PACRG: variants seen among roughly 807,000 people sequenced by gnomAD.
The protein encoded by PACRG is parkin coregulated gene protein.
In PACRG, 29 loss-of-function variants were observed where a neutral mutation model predicts 29.7. That is an observed-to-expected ratio of 0.98 (90% CI 0.73 to 1.33). The LOEUF (loss-of-function observed/expected upper bound fraction) is 1.33. Ranked by LOEUF, PACRG falls within the 40% of genes most tolerant of loss-of-function variation. PACRG has a pLI of 0.00. For missense variants in PACRG, 279 were observed against 316.2 expected (o/e 0.88, Z 0.89); for synonymous variants, 116 against 118.7 (o/e 0.98, Z 0.15).
chr6:163,003,848 T>C (rs1186814434), intron 2 of PACRG, among the ~76,000 whole-genome samples: 2 of 152,188 alleles, frequency 1.3e-5, no homozygotes, highest in Admixed American at 6.5e-5. Flanking sequence ...CCCATTCTTA[T>C]AGATGACATG....
chr6:162,747,269 A>C (rs77894120), intron 1 of PACRG, among the ~76,000 whole-genome samples: 13,024 of 142,070 alleles, frequency 0.092, 848 homozygotes, highest in South Asian at 0.22. Flanking sequence ...CTTGCTCTAG[A>C]ACAACATCGG....
chr6:162,730,541 T>A (rs1779682251), intron 1 of PACRG, among the ~76,000 whole-genome samples: 1 of 152,090 alleles, frequency 6.6e-6, no homozygotes, highest in Non-Finnish European at 1.5e-5. Flanking sequence ...TTTCTCTGAG[T>A]GCGATAGTGA....
At chr6:163,240,200 T>G (rs1585362392) in intron 4 of PACRG, among the ~76,000 whole-genome samples, 1 of 147,236 alleles carries the variant, frequency 6.8e-6, no homozygotes. Context: ...GCCTGTGGGG[T>G]GAGTGGGATG....
chr6:163,223,985 G>A (rs2223465), intron 4 of PACRG, among the ~76,000 whole-genome samples: 80,438 of 151,928 alleles, frequency 0.53, 21,390 homozygotes, highest in East Asian at 0.64. Flanking sequence ...CAAAATTCCA[G>A]TGGCATTTTT....
chr6:163,064,830 G>C (rs543352001), intron 3 of PACRG, among the ~76,000 whole-genome samples: 5 of 140,020 alleles, frequency 3.6e-5, no homozygotes, highest in Admixed American at 2.2e-4. Context: ...CCAGCAAGCA[G>C]ACTAGAAGTT....
chr6:163,156,854 G>T (rs550245382), intron 4 of PACRG, among the ~76,000 whole-genome samples: 1 of 152,130 alleles, frequency 6.6e-6, no homozygotes, highest in East Asian at 1.9e-4. Flanking sequence ...ACCGTTTTTC[G>T]TGTCATCTCT....
chr6:163,133,357 T>C lies in PACRG; in HGVS notation c.613+43949T>C, dbSNP rs534949381. On this transcript the variant is annotated intron_variant, in intron 4 of 4. Transcript: ENST00000366888. Reference sequence around the variant, plus strand: ...CTGAATTTTAATCAATAACTACAAGTCTCTGCATCAAGGAGAAATGTGTAC... The same window carrying C: ...CTGAATTTTAATCAATAACTACAAGCCTCTGCATCAAGGAGAAATGTGTAC... Among the ~76,000 whole-genome samples the C allele has an allele frequency of 4.5e-4, 69 of 152,268 alleles. 1 individual carries two copies. The highest frequency in any genetic ancestry group is 1.6e-3 in the African/African-American group (66 of 41,550).
At chr6:162,810,201 C>T (rs1387276481) in intron 1 of PACRG, among the ~76,000 whole-genome samples, 1 of 152,096 alleles carries the variant, frequency 6.6e-6, no homozygotes, top group Non-Finnish European at 1.5e-5. Context: ...TGGGGTCACC[C>T]AGTATTAATG....
intron 4 of PACRG, among the ~76,000 whole-genome samples, chr6:163,253,989 G>C (rs2128173018): frequency 6.6e-6 from 1 of 152,326 alleles, no homozygotes; most frequent in East Asian, 1.9e-4. Context: ...AAGCCTTGGG[G>C]ACAAGGGAGG....
At chr6:163,042,263 A>G (rs1226748410) in intron 2 of PACRG, among the ~76,000 whole-genome samples, 1 of 152,242 alleles carries the variant, frequency 6.6e-6, no homozygotes, top group Non-Finnish European at 1.5e-5. Context: ...CCAGAGAGCC[A>G]GGAGCAAGGG....
At chr6:162,833,903 T>C (rs958602920) in intron 2 of PACRG, among the ~76,000 whole-genome samples, 1 of 152,140 alleles carries the variant, frequency 6.6e-6, no homozygotes, top group African/African-American at 2.4e-5. Flanking sequence ...TTTGTAACTG[T>C]ACAGTTCAAG....
Position 163,131,477 on chromosome 6 carries a change from A to G in PACRG, c.613+42069A>G, listed in dbSNP as rs76393582. Among the ~76,000 whole-genome samples, 1,409 of 152,314 alleles carry G rather than the reference A, an allele frequency of 9.3e-3. 19 individuals carry two copies. The highest frequency in any genetic ancestry group is 0.033 in the African/African-American group (1,360 of 41,574). The stretch of plus-strand genomic sequence containing the variant: ...CAAGAAATGCTAAGGATTGCTGGCA[A>G]CTACCAGAATTTGGAGAGGCGCATA... On this transcript the variant is annotated intron_variant, in intron 4 of 4. Transcript: ENST00000366888.
In PACRG at chr6:163,141,007, A is replaced by G. The variant is rs537718095; in HGVS notation, c.613+51599A>G. Among the ~76,000 whole-genome samples the G allele has an allele frequency of 2.0e-5, 3 of 152,304 alleles. No homozygotes were observed. In the South Asian group the frequency reaches 6.2e-4, roughly 32 times the overall value. ...TCCAATTGAGAAAGATTAAATATGT[A>G]AATTGTATCCTAAGCACAGTGTGAT... On this transcript the variant is annotated intron_variant, in intron 4 of 4. Transcript: ENST00000366888.
At chr6:163,192,429 G>A (rs1035240694) in intron 4 of PACRG, among the ~76,000 whole-genome samples, 3 of 152,084 alleles carry the variant, frequency 2.0e-5, no homozygotes, top group Non-Finnish European at 2.9e-5. Flanking sequence ...GTGGGCTCGG[G>A]GACAAGCTGT....
At chr6:162,787,651 A>G (rs993866905) in intron 1 of PACRG, among the ~76,000 whole-genome samples, 2 of 141,768 alleles carry the variant, frequency 1.4e-5, no homozygotes, top group African/African-American at 2.6e-5. Context: ...CTAGGCAGAC[A>G]TATGTCTGAA....
At chr6:163,019,651 G>A (rs1027900401) in intron 2 of PACRG, among the ~76,000 whole-genome samples, 5 of 152,098 alleles carry the variant, frequency 3.3e-5, no homozygotes, top group Admixed American at 6.5e-5. Context: ...CTCTAGCACC[G>A]TTGCTGTGGT....
At chr6:162,970,852 T>C (rs116636740) in intron 2 of PACRG, among the ~76,000 whole-genome samples, 1 of 152,324 alleles carries the variant, frequency 6.6e-6, no homozygotes, top group African/African-American at 2.4e-5. Flanking sequence ...CCCTGTCACC[T>C]GAGCCACGTA....
At chr6:162,832,157 T>C (rs535668972) in intron 2 of PACRG, among the ~76,000 whole-genome samples, 119 of 152,336 alleles carry the variant, frequency 7.8e-4, no homozygotes, top group African/African-American at 2.7e-3. Flanking sequence ...CTCCATAGCC[T>C]CTCCAGAATC....
intron 4 of PACRG, among the ~76,000 whole-genome samples, chr6:163,286,889 T>A (rs1784420703): frequency 6.6e-6 from 1 of 152,146 alleles, no homozygotes; most frequent in African/African-American, 2.4e-5. Context: ...TGTAGATGTA[T>A]GTGCATATAT....
Sources: gnomAD v4.1 joint callset for allele counts (sites outside exome capture counted in the v4.1 genomes callset) on GRCh38, gnomAD v4.1.1 for gene constraint, MANE v1.5 for transcripts, NCBI Gene and HGNC (gene_info 2026-07-23, HGNC 2026-07-21) for gene names.